TPM4: variants seen among roughly 807,000 people sequenced by gnomAD.
The protein encoded by TPM4 is tropomyosin 4.
In TPM4, 17 loss-of-function variants were observed where a neutral mutation model predicts 35.8. That is an observed-to-expected ratio of 0.47 (90% confidence interval 0.32 to 0.71). The LOEUF (loss-of-function observed/expected upper bound fraction) is 0.71, where lower values mean the gene tolerates loss of function less well. TPM4 is among the 30% of genes least tolerant of loss of function. TPM4 has a pLI of 0.03. For missense variants in TPM4, 240 were observed against 320.9 expected, an observed-to-expected ratio of 0.75 and a Z score of 1.93; for synonymous variants, 120 against 122.9, an observed-to-expected ratio of 0.98 and a Z score of 0.15.
In TPM4 at chr19:16,092,032, A is replaced by C. The variant is rs541897514; in HGVS notation, c.532-1504A>C. ...TAAAAATAACAAAAATTAGCTGGGC[A>C]TGGTGGTGGGCGCCTGTAGGCCCAG... is the stretch of plus-strand genomic sequence containing the variant. On this transcript the variant is annotated intron_variant, in intron 5 of 7. Coordinates refer to ENST00000643579, the MANE Select transcript of TPM4 (RefSeq NM_003290.3). Among the ~76,000 whole-genome samples, 6 of 152,044 alleles carry C rather than the reference A, an allele frequency of 3.9e-5. No homozygotes were observed. In the South Asian group the frequency reaches 1.2e-3, roughly 32 times the overall value.
intron 2 of TPM4, among the ~76,000 whole-genome samples, chr19:16,069,516 T>A (rs147850005): frequency 0.04 from 43 of 1,064 alleles, 2 homozygotes; most frequent in African/African-American, 0.086. Flanking sequence ...TGATTGTGTG[T>A]TTCTATTGGT....
chr19:16,099,652 G>A (rs974357763), intron 7 of TPM4: 1 of 152,070 alleles, frequency 6.6e-6, no homozygotes, highest in Non-Finnish European at 1.5e-5. Flanking sequence ...TTTCCAGGCT[G>A]ATGATATCAC....
chr19:16,068,073 C>T, intron 2 of TPM4: 2 of 390,330 alleles, frequency 5.1e-6, no homozygotes, highest in Non-Finnish European at 9.4e-6. Context: ...TGGGGACATG[C>T]TGTGTGTGTG....
upstream of TPM4, chr19:16,076,318 G>A: frequency 2.0e-6 from 3 of 1,504,424 alleles, no homozygotes; most frequent in African/African-American, 2.8e-5. Flanking sequence ...GTCCCGAAAA[G>A]GGGCACTTTC....
chr19:16,098,268 C>T (rs979602180), intron 7 of TPM4, among the ~76,000 whole-genome samples: 1 of 151,998 alleles, frequency 6.6e-6, no homozygotes, highest in Non-Finnish European at 1.5e-5. Flanking sequence ...CATGGTGAAA[C>T]TCTGTCTCTA....
intron 4 of TPM4, 112 bp from the exon 5 acceptor site, chr19:16,088,933 C>G: frequency 1.3e-6 from 2 of 1,549,202 alleles, no homozygotes; most frequent in African/African-American, 1.4e-5. Context: ...TTCTGCCCCC[C>G]ACCGGGGGAG....
chr19:16,077,268 C>T (rs974478994), intron 1 of TPM4: 1 of 142,510 alleles, frequency 7.0e-6, no homozygotes, highest in Non-Finnish European at 1.6e-5. Context: ...GACGTGTCTG[C>T]TCCAGGCGGC....
intron 2 of TPM4, among the ~76,000 whole-genome samples, chr19:16,085,118 T>C (rs2090532755): frequency 1.3e-5 from 2 of 151,954 alleles, no homozygotes; most frequent in South Asian, 4.1e-4. Flanking sequence ...CCAGGCATGG[T>C]AGTGCATGCT....
chr19:16,081,079 A>G, intron 1 of TPM4: 1 of 398,544 alleles, frequency 2.5e-6, no homozygotes, highest in Non-Finnish European at 4.4e-6. Flanking sequence ...CACCTTGGTA[A>G]TTGCATGGCC....
chr19:16,079,618 G>A (rs1209880638), intron 1 of TPM4: 1 of 222,368 alleles, frequency 4.5e-6, no homozygotes. Context: ...GACTCTATTT[G>A]TGTAGTTTTT....
chr19:16,069,590 G>A (rs2090334722), intron 2 of TPM4, among the ~76,000 whole-genome samples: 1 of 115,670 alleles, frequency 8.6e-6, no homozygotes, highest in Non-Finnish European at 1.9e-5. Flanking sequence ...CTATTGGTGT[G>A]TGTGGATGAA....
At chr19:16,096,636 C>CAGCTCCCA (rs1220668805) in intron 7 of TPM4, among the ~76,000 whole-genome samples, 21 of 152,242 alleles carry the variant, frequency 1.4e-4, no homozygotes, top group African/African-American at 4.8e-4. Flanking sequence ...ACTGTTCATC[C>CAGCTCCCA]AGCTCCCAGT....
At chr19:16,079,185 G>T (rs983893703) in intron 1 of TPM4, among the ~76,000 whole-genome samples, 2 of 152,172 alleles carry the variant, frequency 1.3e-5, no homozygotes, top group Non-Finnish European at 2.9e-5. Flanking sequence ...CCAGGATTCA[G>T]AATTTCCCAC....
rs140396464 is a variant in TPM4 at position 16,095,399 on chromosome 19, C to T, written c.664+1646C>T. 1.9e-4 allele frequency: 196 copies of T among 1,032,792 alleles called. 1 individual carries two copies. The African/African-American group carries it at 3.0e-3, about 16-fold the overall frequency. 64.0% of individuals were successfully genotyped at this position (1,032,792 alleles called of 1,614,324 possible). ...CTTCTCACATGGTGCCTCCTACGCC[C>T]CTGTGGGCTTCTAGGAGCTCCGGTG... On this transcript the variant is annotated intron_variant, in intron 7 of 7. Coordinates refer to ENST00000643579, the MANE Select transcript of TPM4 (RefSeq NM_003290.3).
At chr19:16,069,616 C>A (rs1008491935) in intron 2 of TPM4, among the ~76,000 whole-genome samples, 3 of 102,572 alleles carry the variant, frequency 2.9e-5, no homozygotes, top group Non-Finnish European at 6.2e-5. Flanking sequence ...GTTTCTGTTG[C>A]TGTGTGTGTG....
In TPM4 at chr19:16,070,891, G is replaced by T. The variant is rs1397306645; in HGVS notation, c.114+3153G>T. ...CAAACACAGACATTCATCCTGTGCTGGGCCAGCTTCTAGCCATCATTTAGC... is the reference window on the plus strand; with the variant it reads ...CAAACACAGACATTCATCCTGTGCTTGGCCAGCTTCTAGCCATCATTTAGC... On this transcript the variant is annotated intron_variant, in intron 2 of 2. Coordinates refer to the TPM4 transcript ENST00000589897. The surrounding 1 kb of genome is among the most constrained non-coding windows in gnomAD (Gnocchi z 7.4). Among the ~76,000 whole-genome samples the T allele has an allele frequency of 1.3e-5, 2 of 152,192 alleles. No homozygotes were observed. Among genetic ancestry groups the T allele is most frequent in the African/African-American group, 4.8e-5 (2 of 41,438 alleles).
intron 3 of TPM4, 114 bp from the exon 4 acceptor site, chr19:16,087,913 T>G: frequency 1.1e-5 from 12 of 1,069,992 alleles, no homozygotes; most frequent in Non-Finnish European, 1.4e-5. Context: ...GAAAAACCCA[T>G]GTTGCAGCTG....
rs2090342392 is a variant in TPM4, at chr19:16,070,115, G to A, written c.114+2377G>A. On this transcript the variant is annotated intron_variant, in intron 2 of 2. Coordinates refer to the TPM4 transcript ENST00000589897. The surrounding 1 kb of genome is among the most constrained non-coding windows in gnomAD (Gnocchi z 7.4). ...CTGAGAATCTCATTGTGTATGTGGG[G>A]GTGTCCCTGCTAAAAGCCTGGAGGC... is the stretch of plus-strand genomic sequence containing the variant. 6.6e-6 allele frequency among the ~76,000 whole-genome samples: 1 copy of A among 152,086 alleles called. No homozygotes were observed. Among genetic ancestry groups the A allele is most frequent in the Non-Finnish European group, 1.5e-5 (1 of 67,988 alleles).
intron 4 of TPM4, 149 bp downstream of exon 4, chr19:16,088,246 T>A (rs2090583670): frequency 7.0e-7 from 1 of 1,422,804 alleles, no homozygotes; most frequent in South Asian, 1.3e-5. Context: ...TCTCTTGGCT[T>A]CTGTGACAAA....
Sources: allele counts gnomAD v4.1 joint callset (sites outside exome capture counted in the v4.1 genomes callset), GRCh38; gene constraint gnomAD v4.1.1; non-coding constraint Gnocchi (gnomAD v3.1); transcripts MANE v1.5; gene names NCBI Gene and HGNC (gene_info 2026-07-23, HGNC 2026-07-21).